Variants in TYW1B observed in about 807,000 individuals in gnomAD.
The protein encoded by TYW1B is S-adenosyl-L-methionine-dependent tRNA 4-demethylwyosine synthase TYW1B.
In TYW1B, 73 loss-of-function variants were observed where a neutral mutation model predicts 86.9. That is an observed-to-expected ratio of 0.84 (90% confidence interval 0.70 to 1.02). TYW1B has a LOEUF of 1.02. Among genes scored for constraint, TYW1B ranks in the 50% least tolerant of loss-of-function variants. TYW1B has a pLI of 0.00. For missense variants in TYW1B, 637 were observed against 827.4 expected (o/e 0.77, Z 2.82); for synonymous variants, 248 against 292.8 (o/e 0.85, Z 1.56).
chr7:72,601,128 C>T (rs536583891), intron 13 of TYW1B, among the ~76,000 whole-genome samples: 5 of 148,512 alleles, frequency 3.4e-5, no homozygotes, highest in African/African-American at 1.0e-4. Flanking sequence ...GCAACAAGAG[C>T]GAAACTCTGT....
At chr7:72,717,407 C>A (rs1186514653) in intron 9 of TYW1B, among the ~76,000 whole-genome samples, 1 of 152,080 alleles carries the variant, frequency 6.6e-6, no homozygotes, top group South Asian at 2.1e-4. Flanking sequence ...AAACAACAGG[C>A]CTTGATCCCC....
intron 6 of TYW1B, among the ~76,000 whole-genome samples, chr7:72,799,323 T>A (rs1337454100): frequency 6.7e-6 from 1 of 148,754 alleles, no homozygotes; most frequent in Non-Finnish European, 1.5e-5. Context: ...TATGCCCGGC[T>A]AATTTTTTTT....
chr7:72,632,383 T>TA (rs1554440014), intron 11 of TYW1B, among the ~76,000 whole-genome samples: 18 of 117,202 alleles, frequency 1.5e-4, no homozygotes, highest in South Asian at 4.7e-4. Flanking sequence ...ATATTATATA[T>TA]ATACGTATAT....
chr7:72,802,630 T>C, intron 5 of TYW1B, 108 bp from the exon 6 acceptor site: 9 of 1,504,812 alleles, frequency 6.0e-6, no homozygotes, highest in South Asian at 1.4e-5. Flanking sequence ...TTCTTTTTTT[T>C]TTTTCTTTGA....
chr7:72,753,250 C>T (rs1787530838), intron 7 of TYW1B, among the ~76,000 whole-genome samples: 1 of 151,856 alleles, frequency 6.6e-6, no homozygotes, highest in Admixed American at 6.6e-5. Flanking sequence ...TTAGTATTAT[C>T]AACTGGTGGG....
chr7:72,636,805 C>T (rs797039649), intron 11 of TYW1B, among the ~76,000 whole-genome samples: 2 of 152,048 alleles, frequency 1.3e-5, no homozygotes, highest in Non-Finnish European at 2.9e-5. Context: ...AGTTTGCTGA[C>T]CTTTTCTTTA....
chr7:72,617,953 C>A (rs1812117503), intron 12 of TYW1B, among the ~76,000 whole-genome samples: 1 of 152,048 alleles, frequency 6.6e-6, no homozygotes, highest in African/African-American at 2.4e-5. Flanking sequence ...GATTAATTTT[C>A]TAATACTAAA....
intron 9 of TYW1B, among the ~76,000 whole-genome samples, chr7:72,722,333 G>C (rs1161281129): frequency 3.5e-4 from 54 of 152,152 alleles, no homozygotes; most frequent in Admixed American, 2.8e-3. Context: ...TGCAGCTTTA[G>C]TACTGAGGAC....
intron 7 of TYW1B, among the ~76,000 whole-genome samples, chr7:72,770,427 C>CAAAAA (rs587645992): frequency 1.1e-5 from 1 of 94,440 alleles, no homozygotes. Context: ...GACTCCGTCT[C>CAAAAA]AAAAAAAAAA....
intron 10 of TYW1B, among the ~76,000 whole-genome samples, chr7:72,707,220 G>T (rs1814634930): frequency 6.6e-6 from 1 of 152,254 alleles, no homozygotes; most frequent in African/African-American, 2.4e-5. Context: ...GCAAAGGCTT[G>T]AAAGATGCTC....
chr7:72,585,244 TTTG>T (rs1554430312), intron 13 of TYW1B, among the ~76,000 whole-genome samples: 1 of 152,168 alleles, frequency 6.6e-6, no homozygotes, highest in African/African-American at 2.4e-5. Context: ...TGTTCCAGCT[TTTG>T]TTACAAATAC....
At chr7:72,765,527 G>A (rs1377874115) in intron 7 of TYW1B, among the ~76,000 whole-genome samples, 1 of 152,102 alleles carries the variant, frequency 6.6e-6, no homozygotes, top group East Asian at 1.9e-4. Flanking sequence ...GTGCAGTGGT[G>A]CGATCATGAT....
intron 6 of TYW1B, among the ~76,000 whole-genome samples, chr7:72,784,509 C>G (rs1554472132): frequency 6.6e-6 from 1 of 151,954 alleles, no homozygotes; most frequent in Non-Finnish European, 1.5e-5. Flanking sequence ...TTCCTTTATT[C>G]TTTGAGACAG....
intron 11 of TYW1B, among the ~76,000 whole-genome samples, chr7:72,643,419 T>C (rs1433982827): frequency 1.3e-5 from 2 of 151,982 alleles, no homozygotes; most frequent in African/African-American, 4.8e-5. Flanking sequence ...AAACCTCGTC[T>C]TTACTAAAAA....
intron 12 of TYW1B, among the ~76,000 whole-genome samples, chr7:72,617,619 G>T (rs28454618): frequency 6.6e-6 from 1 of 152,114 alleles, no homozygotes; most frequent in Non-Finnish European, 1.5e-5. Context: ...TACCTGCCCC[G>T]GCCTCCCAAA....
chr7:72,726,354 T>C (rs527440713), intron 9 of TYW1B, among the ~76,000 whole-genome samples: 273 of 152,032 alleles, frequency 1.8e-3, no homozygotes, highest in African/African-American at 6.2e-3. Flanking sequence ...AGTATAATTA[T>C]TGACTAATTT....
At chr7:72,637,166 G>T (rs1198525223) in intron 11 of TYW1B, among the ~76,000 whole-genome samples, 2 of 152,114 alleles carry the variant, frequency 1.3e-5, no homozygotes, top group Non-Finnish European at 2.9e-5. Context: ...GATGGAAAGT[G>T]CTACTATTCC....
intron 11 of TYW1B, among the ~76,000 whole-genome samples, chr7:72,653,538 C>T (rs149438378): frequency 0.015 from 2,209 of 151,880 alleles, 66 homozygotes; most frequent in African/African-American, 0.047. Context: ...ACCTGGGAGG[C>T]GGAGCTTGCA....
chr7:72,816,814 C>A (rs1788732422), intron 2 of TYW1B, among the ~76,000 whole-genome samples: 4 of 152,202 alleles, frequency 2.6e-5, no homozygotes, highest in Admixed American at 1.3e-4. Context: ...TACCAACGTG[C>A]TGGGGAGAAG....
Sources: gnomAD v4.1 joint callset for allele counts (sites outside exome capture counted in the v4.1 genomes callset) on GRCh38, gnomAD v4.1.1 for gene constraint, MANE v1.5 for transcripts, NCBI Gene and HGNC (gene_info 2026-07-23, HGNC 2026-07-21) for gene names.